JMJD1C: variants seen among roughly 807,000 people sequenced by gnomAD.
JMJD1C encodes the protein jumonji domain-containing protein 1C.
JMJD1C carries 31 observed loss-of-function variants against 245.3 expected under a neutral mutation model. The ratio of observed to expected loss-of-function variants is 0.13; its 90% confidence interval spans 0.09 to 0.17. The LOEUF (loss-of-function observed/expected upper bound fraction) is 0.17, where lower values mean the gene tolerates loss of function less well. Ranked by LOEUF, JMJD1C falls within the 10% of genes least tolerant of loss-of-function variation. The pLI, the probability that JMJD1C is intolerant of heterozygous loss-of-function variation, is 1.00. For missense variants in JMJD1C, 2,691 were observed against 3,000.2 expected, an observed-to-expected ratio of 0.90 and a Z score of 2.41; for synonymous variants, 1,057 against 1,017.4, an observed-to-expected ratio of 1.04 and a Z score of -0.74.
At chr10:63,192,835 T>C (rs1351663695) in intron 16 of JMJD1C, 103 bp downstream of exon 16, 8 of 866,390 alleles carry the variant, frequency 9.2e-6, no homozygotes, top group African/African-American at 5.0e-5. Context: ...CCAAAGTAAA[T>C]TGTTTACCTC....
intron 1 of JMJD1C, among the ~76,000 whole-genome samples, chr10:63,454,520 T>G (rs1209453839): frequency 6.6e-6 from 1 of 151,890 alleles, no homozygotes; most frequent in African/African-American, 2.4e-5. Context: ...ACCTCCTGGT[T>G]TCAAGCAATT....
intron 2 of JMJD1C, among the ~76,000 whole-genome samples, chr10:63,295,425 T>A (rs1018217999): frequency 6.6e-6 from 1 of 152,100 alleles, no homozygotes; most frequent in African/African-American, 2.4e-5. Flanking sequence ...AGGGCAACCA[T>A]AAGTATTAAC....
chr10:63,239,034 C>T (rs1240713139), intron 3 of JMJD1C, among the ~76,000 whole-genome samples: 40 of 152,020 alleles, frequency 2.6e-4, no homozygotes, highest in Non-Finnish European at 2.8e-4. Flanking sequence ...TTAGGTGTGT[C>T]AGGAAAGGAT....
rs892710711 is a variant in JMJD1C, at chr10:63,465,916, C to A, written c.-254G>T. 33 of 622,984 alleles carry A rather than the reference C, an allele frequency of 5.3e-5. No individual in the cohort carries two copies. The highest frequency in any genetic ancestry group is 4.6e-4 in the East Asian group (16 of 34,722). 38.6% of individuals were successfully genotyped at this position (622,984 alleles called of 1,614,324 possible). ...CACACAAGAAAACTGAAACAAAACC[C>A]AACGCGGCCGTCGAAGACCCCGAGG... On this transcript the variant is annotated 5_prime_UTR_variant, in exon 1 of 26. Coordinates refer to ENST00000399262, the MANE Select transcript of JMJD1C (RefSeq NM_032776.3).
rs764821897 is a variant in JMJD1C at position 63,215,563 on chromosome 10, T to C, written c.812A>G (p.Asn271Ser). ...RRRSRANQNV[N>S]AVHSHYTRAQ... ...TAATAACATACATACGTGAACAGCG[T>C]TGACGTTTTGATTGGCACGAGACCT... is the stretch of plus-strand genomic sequence containing the variant. The change falls in exon 6 of 26, where the codon AAC (asparagine) becomes AGC (serine). Residue 271 changes from asparagine to serine, a missense_variant. Transcript: ENST00000399262. 8.1e-6 allele frequency: 13 copies of C among 1,609,512 alleles called. No individual in the cohort carries two copies. Among genetic ancestry groups the C allele is most frequent in the Middle Eastern group, 1.6e-4 (1 of 6,072 alleles).
chr10:63,401,634 C>T (rs2132589793), intron 1 of JMJD1C, among the ~76,000 whole-genome samples: 1 of 152,210 alleles, frequency 6.6e-6, no homozygotes, highest in South Asian at 2.1e-4. Context: ...GATGAACATA[C>T]CACCACGTAC....
chr10:63,346,199 T>C (rs550428321), intron 2 of JMJD1C, among the ~76,000 whole-genome samples: 1 of 152,302 alleles, frequency 6.6e-6, no homozygotes, highest in East Asian at 1.9e-4. Context: ...TGTGCTACTC[T>C]GCCCACTGGG....
intron 2 of JMJD1C, among the ~76,000 whole-genome samples, chr10:63,373,919 TA>T (rs1296400907): frequency 1.3e-5 from 2 of 152,146 alleles, no homozygotes; most frequent in Admixed American, 1.3e-4. Context: ...TTATGAAACT[TA>T]AATTGACTAT....
At chr10:63,234,041 G>A (rs539062220) in intron 3 of JMJD1C, among the ~76,000 whole-genome samples, 3 of 152,134 alleles carry the variant, frequency 2.0e-5, no homozygotes, top group Admixed American at 2.0e-4. Context: ...AATATGATAA[G>A]CATACTCCAT....
At chr10:63,287,177 C>G (rs1029156857) in intron 2 of JMJD1C, among the ~76,000 whole-genome samples, 1 of 152,148 alleles carries the variant, frequency 6.6e-6, no homozygotes, top group Admixed American at 6.5e-5. Context: ...TGTGGTAAAA[C>G]CAGCTTGGCA....
intron 3 of JMJD1C, among the ~76,000 whole-genome samples, chr10:63,230,312 C>T (rs1849802923): frequency 6.6e-6 from 1 of 152,104 alleles, no homozygotes; most frequent in African/African-American, 2.4e-5. Context: ...GCAGAGGCTG[C>T]AGTGAGCTGA....
At chr10:63,224,638 G>A (rs1849025289) in intron 3 of JMJD1C, among the ~76,000 whole-genome samples, 1 of 152,178 alleles carries the variant, frequency 6.6e-6, no homozygotes, top group South Asian at 2.1e-4. Flanking sequence ...ATGTTAGACA[G>A]AAGTCAACAA....
chr10:63,465,684 CGCT>C lies in JMJD1C; in HGVS notation c.-25_-23del. On this transcript the variant is annotated 5_prime_UTR_variant, in exon 1 of 26. Coordinates refer to ENST00000399262, the MANE Select transcript of JMJD1C (RefSeq NM_032776.3). ...CCATAGCTGTCGCTGCCGAAGCGGC[CGCT>C]GCCTCCTCCAGTGCGAGGGAACCGA... 1 of 1,605,906 alleles carries C rather than the reference CGCT, an allele frequency of 6.2e-7. No individual in the cohort carries two copies. Among genetic ancestry groups the C allele is most frequent in the Non-Finnish European group, 8.5e-7 (1 of 1,179,728 alleles).
chr10:63,520,646 G>A (rs1341342957), intron 1 of JMJD1C, among the ~76,000 whole-genome samples: 1 of 152,142 alleles, frequency 6.6e-6, no homozygotes, highest in Non-Finnish European at 1.5e-5. Flanking sequence ...TCTTAAGACA[G>A]GTCAGGAATC....
Position 63,191,046 on chromosome 10 carries a change from A to T in JMJD1C, c.6139T>A (p.Ser2047Thr). The T allele has an allele frequency of 6.2e-7, 1 of 1,614,122 alleles. No individual in the cohort carries two copies. The highest frequency in any genetic ancestry group is 8.5e-7 in the Non-Finnish European group (1 of 1,179,972). Residue 2047 changes from serine (S) to threonine (T), a missense_variant, in exon 17 of 26, where the codon TCT becomes ACT. This residue lies in a region of JMJD1C where 275 missense variants were observed against 285.5 expected (regional missense o/e 0.96). Coordinates refer to ENST00000399262, the MANE Select transcript of JMJD1C (RefSeq NM_032776.3). ...AGAGGTGATGTTCTGCCATTTGGAGATTCAGAGTTGTCTTGTTCTCTTTCT... is the reference window on the plus strand; with the variant it reads ...AGAGGTGATGTTCTGCCATTTGGAGTTTCAGAGTTGTCTTGTTCTCTTTCT... ...KEEREQDNSESPNGRTSPLVS... is the reference protein window; with the variant it reads ...KEEREQDNSETPNGRTSPLVS...
At chr10:63,234,839 A>G (rs1250322777) in intron 3 of JMJD1C, among the ~76,000 whole-genome samples, 1 of 152,126 alleles carries the variant, frequency 6.6e-6, no homozygotes, top group Non-Finnish European at 1.5e-5. Flanking sequence ...TGTACCAGGT[A>G]TTACTCAAAT....
intron 1 of JMJD1C, among the ~76,000 whole-genome samples, chr10:63,384,256 A>G (rs1395966858): frequency 6.6e-6 from 1 of 152,190 alleles, no homozygotes; most frequent in Non-Finnish European, 1.5e-5. Flanking sequence ...CTCAATGTTG[A>G]TATTATGACC....
intron 1 of JMJD1C, among the ~76,000 whole-genome samples, chr10:63,493,682 A>T (rs1486906434): frequency 6.6e-6 from 1 of 152,238 alleles, no homozygotes; most frequent in Non-Finnish European, 1.5e-5. Flanking sequence ...ATTATTAGAT[A>T]ATAAATTCAA....
At chr10:63,194,440 G>T in intron 13 of JMJD1C, 65 bp from the exon 14 acceptor site, 1 of 1,057,208 alleles carries the variant, frequency 9.5e-7, no homozygotes, top group Non-Finnish European at 1.5e-6. Context: ...ATAGTGTAAA[G>T]AACTTAACGA....
Sources: gnomAD v4.1 joint callset for allele counts (sites outside exome capture counted in the v4.1 genomes callset) on GRCh38, gnomAD v4.1.1 for gene constraint, gnomAD v4.1.1 regional missense constraint, MANE v1.5 for transcripts, NCBI Gene and HGNC (gene_info 2026-07-23, HGNC 2026-07-21) for gene names.